Variants in MAGED2 observed in about 807,000 individuals in gnomAD.
The protein encoded by MAGED2 is MAGE family member D2.
In MAGED2, 6 loss-of-function variants were observed where a neutral mutation model predicts 41.7. The observed-to-expected ratio is 0.14, with a 90% CI of 0.08 to 0.28. MAGED2 has a LOEUF of 0.28. MAGED2 is among the 10% of genes least tolerant of loss of function. The probability of loss-of-function intolerance (pLI) is 1.00; values close to 1 mark genes in which losing one functional copy is unlikely to be tolerated. For missense variants in MAGED2, 343 were observed against 486.4 expected, an observed-to-expected ratio of 0.71 and a Z score of 2.77; for synonymous variants, 146 against 178.2, an observed-to-expected ratio of 0.82 and a Z score of 1.44.
chrX:54,813,748 T>A, intron 10 of MAGED2, among the ~76,000 whole-genome samples, 198 bp downstream of exon 10: 1 of 112,290 alleles, frequency 8.9e-6, no homozygotes, highest in East Asian at 2.8e-4. Flanking sequence ...TACATATACC[T>A]CAACATTTGT....
chrX:54,815,156 T>C, intron 11 of MAGED2, 92 bp from the exon 12 acceptor site: 4 of 1,067,379 alleles, frequency 3.7e-6, no homozygotes, highest in Non-Finnish European at 3.7e-6. Context: ...AATCCTCTTA[T>C]GCTCCTTCTG....
chrX:54,808,841 C>A (rs1055627679), intron 1 of MAGED2, among the ~76,000 whole-genome samples: 5 of 112,325 alleles, frequency 4.5e-5, no homozygotes, highest in Non-Finnish European at 9.4e-5. Flanking sequence ...GGGCAGAGTG[C>A]CAGACTGAGA....
chrX:54,815,778 A>T, intron 12 of MAGED2, 88 bp downstream of exon 12: 1 of 606,245 alleles, frequency 1.6e-6, no homozygotes, highest in East Asian at 3.6e-5. Flanking sequence ...CAAGTTGGAG[A>T]ATGATGTGGA....
chrX:54,813,041 G>T lies in MAGED2; in HGVS notation c.1165+17G>T, dbSNP rs760942355. The T allele has an allele frequency of 2.6e-5, 32 of 1,210,122 alleles. No individual in the cohort carries two copies. In the East Asian group the frequency reaches 3.3e-4, roughly 12 times the overall value. Reference sequence around the variant, plus strand: ...CCAGTGAGGGTGAGTGGCTGGGCTTGCAGCTGAATGGGTGGCTGTGGTCTA... The same window carrying T: ...CCAGTGAGGGTGAGTGGCTGGGCTTTCAGCTGAATGGGTGGCTGTGGTCTA... On this transcript the variant is annotated intron_variant, in intron 8 of 12. Transcript: ENST00000375068.
intron 1 of MAGED2, 67 bp from the exon 2 acceptor site, chrX:54,809,236 C>A: frequency 1.1e-6 from 1 of 889,318 alleles, no homozygotes; most frequent in South Asian, 2.0e-5. Context: ...GAGGATCAGC[C>A]TCCAGGCACA....
intron 10 of MAGED2, chrX:54,814,385 C>T (rs770575951): frequency 4.2e-6 from 2 of 480,780 alleles, no homozygotes; most frequent in East Asian, 8.5e-5. Context: ...GTGCTCAGAG[C>T]AGGGGGCCCA....
chrX:54,807,894 G>A (rs1929664971), intron 1 of MAGED2, 92 bp downstream of exon 1: 1 of 113,077 alleles, frequency 8.8e-6, no homozygotes, highest in Admixed American at 9.5e-5. Context: ...AATTCTTACT[G>A]CACCACTGCA....
intron 1 of MAGED2, chrX:54,808,915 C>CT (rs1337121904): frequency 9.0e-6 from 2 of 222,412 alleles, no homozygotes; most frequent in African/African-American, 5.7e-5. Context: ...AGGGCCAGCA[C>CT]TGAGAAGAGC....
At chrX:54,808,993 G>C (rs1421927579) in intron 1 of MAGED2, 10 of 319,759 alleles carry the variant, frequency 3.1e-5, no homozygotes, top group Non-Finnish European at 3.9e-5. Context: ...AGCGGGCGGG[G>C]CTGAGAGCGG....
At chrX:54,814,441 T>A in intron 10 of MAGED2, 1 of 528,448 alleles carries the variant, frequency 1.9e-6, no homozygotes, top group Non-Finnish European at 3.5e-6. Flanking sequence ...GAATCTGGGG[T>A]CATTGTGATG....
intron 7 of MAGED2, 33 bp from the exon 8 acceptor site, chrX:54,812,912 A>G: frequency 9.0e-7 from 1 of 1,112,880 alleles, no homozygotes; most frequent in Non-Finnish European, 1.2e-6. Context: ...ATGGCTGCTG[A>G]ACATAAACCT....
rs1398695498 is a variant in MAGED2 at position 54,811,144 on chromosome X, G to A, written c.846+15G>A. The stretch of plus-strand genomic sequence containing the variant: ...TGCAAGGGAGGGTAAGAACTCTGTC[G>A]TTTTTATTCTGCCTTTTCTACTGCC... On this transcript the variant is annotated intron_variant, in intron 4 of 12. Transcript: ENST00000375068. 1.0e-5 allele frequency: 12 copies of A among 1,195,357 alleles called. No individual in the cohort carries two copies. The highest frequency in any genetic ancestry group is 1.8e-5 in the South Asian group (1 of 55,118).
rs756423164 is a variant in MAGED2 at position 54,809,522 on chromosome X, G to A, written c.45+146G>A. On this transcript the variant is annotated intron_variant, in intron 2 of 12. Coordinates refer to ENST00000375068, the MANE Select transcript of MAGED2 (RefSeq NM_177433.3). ...GTGTCCCCCTGCCCAGTGGAGGGAG[G>A]GAGAGAAGGTGGGCGGGCCCCTCTT... 2.0e-4 allele frequency: 177 copies of A among 877,172 alleles called. 1 individual carries two copies. The East Asian group carries it at 5.6e-3, about 28-fold the overall frequency. The allele number at this position is 877,172 out of a possible 1,213,427, so 72.3% of individuals were successfully genotyped here.
At chrX:54,812,048 T>G (rs1929823493) in intron 6 of MAGED2, 109 bp from the exon 7 acceptor site, 1 of 502,910 alleles carries the variant, frequency 2.0e-6, no homozygotes, top group Non-Finnish European at 3.6e-6. Flanking sequence ...TTTGTGCGTA[T>G]TATCTCACTG....
intron 11 of MAGED2, among the ~76,000 whole-genome samples, chrX:54,815,007 A>G (rs1004364983): frequency 2.7e-5 from 3 of 112,193 alleles, no homozygotes; most frequent in Admixed American, 9.4e-5. Flanking sequence ...GGTAGGTGAC[A>G]TGTCCAAAGT....
rs765982882 is a variant in MAGED2, at chrX:54,815,531, A to G, written c.1670A>G (p.Asn557Ser). The G allele has an allele frequency of 3.8e-5, 45 of 1,184,505 alleles. No homozygotes were observed. Among genetic ancestry groups the G allele is most frequent in the Non-Finnish European group, 5.0e-5 (44 of 879,823 alleles). ...ACTGGTGCCAGTACCAGTACCAATA[A>G]CAGTGCCAGTGCCAGTGCCAGCACC... ...ASTGASTSTN[N>S]SASASASTSG... The change falls in exon 12 of 13, where the codon AAC becomes AGC. Residue 557 changes from asparagine to serine, a missense_variant. Around this residue, in one of 3 missense-constraint regions of MAGED2, gnomAD observed 53 missense variants for 60.4 expected, o/e 0.88. Coordinates refer to ENST00000375068, the MANE Select transcript of MAGED2 (RefSeq NM_177433.3).
At position 54,811,311 on chromosome X, in the gene MAGED2, C is replaced by T. The variant is rs1929796346; in HGVS notation, c.908C>T (p.Ser303Leu). 6 of 1,208,607 alleles carry T rather than the reference C, an allele frequency of 5.0e-6. No homozygotes were observed. The highest frequency in any genetic ancestry group is 1.7e-5 in the African/African-American group (1 of 57,849). The change falls in exon 5 of 13, where the codon TCG becomes TTG. Residue 303 changes from serine to leucine, a missense_variant and splice_region_variant. By Grantham distance (145) the Ser-to-Leu change is moderately radical. This residue lies in a region of MAGED2 where 95 missense variants were observed against 204.8 expected (regional missense o/e 0.46). Transcript: ENST00000375068. ...CAGACGAAGATTCCCATCAAGCGCTCGGGTAAAGTCCTACCAATCCTCCCT... is the reference window on the plus strand; with the variant it reads ...CAGACGAAGATTCCCATCAAGCGCTTGGGTAAAGTCCTACCAATCCTCCCT... ...KDQTKIPIKR[S>L]DMLKDIIKEY...
Position 54,809,941 on chromosome X carries a change from C to A in MAGED2, c.265C>A (p.Leu89Met). 4 of 1,203,302 alleles carry A rather than the reference C, an allele frequency of 3.3e-6. No individual in the cohort carries two copies. Among genetic ancestry groups the A allele is most frequent in the Non-Finnish European group, 4.5e-6 (4 of 890,928 alleles). The change falls in exon 3 of 13, where the codon CTG becomes ATG. Residue 89 changes from leucine (L) to methionine (M), a missense_variant. By Grantham distance (15) the Leu-to-Met change is conservative. Around this residue, in one of 3 missense-constraint regions of MAGED2, gnomAD observed 195 missense variants for 221.2 expected, o/e 0.88. Transcript: ENST00000375068. ...CACCCAGGCCTCATCTACTACTCAG[C>A]TGACTGATACCCAGGTTCTGGCAGC... Reference protein sequence around the residue: ...PATQASSTTQLTDTQVLAAEN... With the variant: ...PATQASSTTQMTDTQVLAAEN...
rs1929909923 is a variant in MAGED2, at chrX:54,814,706, T to C, written c.1317T>C (p.Tyr439=). Residue 439 remains tyrosine (Y), a synonymous_variant, in exon 11 of 13, where the codon TAT becomes TAC. Transcript: ENST00000375068. The part of the protein sequence containing the change: ...ARVPNSNPPE[Y]EFFWGLRSYY... ...TCCCCAATAGCAATCCCCCTGAATA[T>C]GAGTTCTTCTGGGGCCTGCGCTCTT... 8.3e-7 allele frequency: 1 copy of C among 1,210,286 alleles called. No individual in the cohort carries two copies. Among genetic ancestry groups the C allele is most frequent in the African/African-American group, 1.7e-5 (1 of 57,732 alleles).
Sources: gnomAD v4.1 joint callset for allele counts (sites outside exome capture counted in the v4.1 genomes callset) on GRCh38, gnomAD v4.1.1 for gene constraint, gnomAD v4.1.1 regional missense constraint, MANE v1.5 for transcripts, NCBI Gene and HGNC (gene_info 2026-07-23, HGNC 2026-07-21) for gene names.